Variants in UBR4 observed in about 807,000 individuals in gnomAD.
UBR4 encodes ubiquitin protein ligase E3 component n-recognin 4.
Under a neutral mutation model 575.6 loss-of-function variants are expected in UBR4, and 124 were observed. The observed-to-expected ratio is 0.22, with a 90% CI of 0.19 to 0.25. UBR4 has a LOEUF of 0.25. UBR4 is among the 10% of genes least tolerant of loss of function. The pLI is 1.00. For synonymous variants in UBR4, 2,455 were observed against 2,473.7 expected (o/e 0.99, Z 0.22); for missense variants, 4,818 against 6,478.8 (o/e 0.74, Z 8.80).
chr1:19,087,715 T>G, intron 99 of UBR4, 101 bp downstream of exon 99: 1 of 894,252 alleles, frequency 1.1e-6, no homozygotes, highest in Non-Finnish European at 1.7e-6. Context: ...GGCCTTGATC[T>G]TGCCTAGCTA....
chr1:19,176,718 T>C lies in UBR4; in HGVS notation c.2647A>G (p.Asn883Asp), dbSNP rs769733630. The C allele has an allele frequency of 6.2e-7, 1 of 1,613,484 alleles. No individual in the cohort carries two copies. The highest frequency in any genetic ancestry group is 8.5e-7 in the Non-Finnish European group (1 of 1,179,792). Residue 883 changes from asparagine (N) to aspartate (D), a missense_variant, in exon 20 of 106, where the codon AAC becomes GAC. By Grantham distance (23) the Asn-to-Asp change is conservative. Around this residue, in one of 29 missense-constraint regions of UBR4, gnomAD observed 1,172 missense variants for 1,259.7 expected, o/e 0.93. Coordinates refer to ENST00000375254, the MANE Select transcript of UBR4 (RefSeq NM_020765.3). ...PVYLFEQVQHNLLSPPFGWAS... is the reference protein window; with the variant it reads ...PVYLFEQVQHDLLSPPFGWAS... ...CACCCAAAGGGAGGACTTAGCAGGT[T>C]ATGCTGTACCTTTTAAAACACAAAT...
chr1:19,130,001 T>C (rs2149676342), intron 60 of UBR4, among the ~76,000 whole-genome samples: 1 of 152,298 alleles, frequency 6.6e-6, no homozygotes, highest in East Asian at 1.9e-4. Flanking sequence ...GAATATTGTC[T>C]TTTTCTTTTC....
chr1:19,210,029 CT>C, intron 1 of UBR4, 43 bp downstream of exon 1: 1 of 1,501,764 alleles, frequency 6.7e-7, no homozygotes. Flanking sequence ...TCGAAATCCC[CT>C]CCCCCCACAA....
At chr1:19,163,356 GA>G (rs1401504202) in intron 34 of UBR4, among the ~76,000 whole-genome samples, 1 of 152,210 alleles carries the variant, frequency 6.6e-6, no homozygotes, top group Non-Finnish European at 1.5e-5. Flanking sequence ...AGAGTAACCA[GA>G]ACCTTCAGGC....
rs374733669 is a variant in UBR4, at chr1:19,161,783, C to T, written c.5027+44G>A. The T allele has an allele frequency of 4.3e-6, 7 of 1,613,788 alleles. No individual in the cohort carries two copies. The African/African-American group carries it at 6.7e-5, about 15-fold the overall frequency. ...AAATAAGCTCAGAAGTCCCAACAATCGGTGCCCAGCAAATCTTCACCTTAA... is the reference window on the plus strand; with the variant it reads ...AAATAAGCTCAGAAGTCCCAACAATTGGTGCCCAGCAAATCTTCACCTTAA... On this transcript the variant is annotated intron_variant, in intron 36 of 105. Transcript: ENST00000375254.
Position 19,186,577 on chromosome 1 carries a change from C to G in UBR4, c.1713G>C (p.Glu571Asp), listed in dbSNP as rs1255935521. The change falls in exon 14 of 106, where the codon GAG becomes GAC. Residue 571 changes from glutamate to aspartate, a missense_variant. Around this residue, in one of 29 missense-constraint regions of UBR4, gnomAD observed 162 missense variants for 216.4 expected, o/e 0.75. Transcript: ENST00000375254. ...SASTDSNTYYEDDFSSTEEDS... is the reference protein window; with the variant it reads ...SASTDSNTYYDDDFSSTEEDS... ...CCTCCTCCGTGCTACTGAAATCGTC[C>G]TCATAGTAAGTATTGGAGTCGGTGG... is the stretch of plus-strand genomic sequence containing the variant. The G allele has an allele frequency of 6.2e-7, 1 of 1,614,094 alleles. No homozygotes were observed. The highest frequency in any genetic ancestry group is 1.3e-5 in the African/African-American group (1 of 75,028).
Position 19,117,620 on chromosome 1 carries a change from C to A in UBR4, c.10629+203G>T, listed in dbSNP as rs2080695163. The stretch of plus-strand genomic sequence containing the variant: ...CAGGGGATCCTCCCATCTTAGCCTC[C>A]CAAAGTACTGGGATTATAGGCTTGA... On this transcript the variant is annotated intron_variant, in intron 72 of 105. Coordinates refer to ENST00000375254, the MANE Select transcript of UBR4 (RefSeq NM_020765.3). The surrounding 1 kb of genome is among the most constrained non-coding windows in gnomAD (Gnocchi z 4.0). Among the ~76,000 whole-genome samples, 1 of 152,140 alleles carries A rather than the reference C, an allele frequency of 6.6e-6. No homozygotes were observed. Among genetic ancestry groups the A allele is most frequent in the Non-Finnish European group, 1.5e-5 (1 of 68,032 alleles).
Position 19,151,735 on chromosome 1 carries a change from G to T in UBR4, c.7121C>A (p.Thr2374Asn), listed in dbSNP as rs766844461. 1.2e-6 allele frequency: 2 copies of T among 1,614,118 alleles called. No individual in the cohort carries two copies. The highest frequency in any genetic ancestry group is 1.7e-6 in the Non-Finnish European group (2 of 1,180,042). Residue 2374 changes from threonine to asparagine, a missense_variant, in exon 48 of 106, where the codon ACT becomes AAT. Transcript: ENST00000375254. ...TGAGCGACTCAGGTTGAGCTGCATA[G>T]TTCTGCCGAAGATCTCGATATATGA... ...APSYIEIFGR[T>N]MQLNLSRSRW... is the part of the protein sequence containing the mutation.
chr1:19,106,700 TG>T lies in UBR4; in HGVS notation c.12261del (p.Ser4088AlafsTer10). On this transcript the variant is annotated frameshift_variant, in exon 83 of 106. Transcript: ENST00000375254. LOFTEE classifies it high-confidence loss of function. ...TAGAGATGGCGGAGCTCTGATTTGCTGGGGGCTTTCCCATTGCCATCTATCC... is the reference window on the plus strand; with the variant it reads ...TAGAGATGGCGGAGCTCTGATTTGCTGGGGCTTTCCCATTGCCATCTATCC... ...IRGIDGNGKAPSKSELRHLYL... is the reference protein window; with the variant it reads ...IRGIDGNGKAXSKSELRHLYL... The T allele has an allele frequency of 6.2e-7, 1 of 1,604,172 alleles. No individual in the cohort carries two copies. Among genetic ancestry groups the T allele is most frequent in the Non-Finnish European group, 8.5e-7 (1 of 1,174,500 alleles).
At chr1:19,137,941 G>T in intron 60 of UBR4, 66 bp downstream of exon 60, 1 of 1,409,034 alleles carries the variant, frequency 7.1e-7, no homozygotes, top group East Asian at 2.5e-5. Context: ...CAATTGATCA[G>T]TCCTACTATT....
intron 75 of UBR4, 78 bp downstream of exon 75, chr1:19,114,733 G>A: frequency 6.4e-7 from 1 of 1,551,578 alleles, no homozygotes. Flanking sequence ...AGAAAGTAAA[G>A]TGCACTGCAC....
intron 60 of UBR4, among the ~76,000 whole-genome samples, chr1:19,134,083 C>T (rs1183076490): frequency 2.5e-5 from 2 of 80,986 alleles, no homozygotes; most frequent in East Asian, 5.2e-4. Flanking sequence ...GAGACTCTGT[C>T]TCTAAAAAAA....
chr1:19,164,813 A>C lies in UBR4; in HGVS notation c.4497T>G (p.Ile1499Met), dbSNP rs118032096. 1 of 1,614,080 alleles carries C rather than the reference A, an allele frequency of 6.2e-7. No individual in the cohort carries two copies. The highest frequency in any genetic ancestry group is 2.2e-5 in the East Asian group (1 of 44,874). ...RQLLQLLTTY[I>M]VRENSQVGEG... is the part of the protein sequence containing the mutation. ...AGTTGTTCTACCTGTTTTCCCGAACAATGTATGTGGTCAGTAACTGCAGCA... is the reference window on the plus strand; with the variant it reads ...AGTTGTTCTACCTGTTTTCCCGAACCATGTATGTGGTCAGTAACTGCAGCA... Residue 1499 changes from isoleucine to methionine, a missense_variant, in exon 32 of 106, where the codon ATT becomes ATG. Transcript: ENST00000375254.
intron 87 of UBR4, among the ~76,000 whole-genome samples, chr1:19,102,432 C>A (rs1451455572): frequency 1.3e-5 from 2 of 151,974 alleles, no homozygotes; most frequent in African/African-American, 4.8e-5. Context: ...AGGTAAAGGT[C>A]CCTGACGAAG....
intron 78 of UBR4, 25 bp downstream of exon 78, chr1:19,112,499 C>T: frequency 1.3e-6 from 2 of 1,583,422 alleles, no homozygotes; most frequent in Non-Finnish European, 1.7e-6. Context: ...ACCACTAGGC[C>T]CATAACCATG....
chr1:19,161,865 A>C lies in UBR4; in HGVS notation c.4989T>G (p.Thr1663=). The C allele has an allele frequency of 1.2e-6, 2 of 1,614,258 alleles. No homozygotes were observed. The highest frequency in any genetic ancestry group is 1.7e-6 in the Non-Finnish European group (2 of 1,180,036). Residue 1663 remains threonine, a synonymous_variant, in exon 36 of 106, where the codon ACT becomes ACG. Coordinates refer to ENST00000375254, the MANE Select transcript of UBR4 (RefSeq NM_020765.3). The part of the protein sequence containing the change: ...DEDSLCNKLC[T]FTITQKEFMN... ...TGAATTCTTTCTGTGTGATCGTAAA[A>C]GTGCAGAGTTTATTGCAAAGAGAAT...
intron 94 of UBR4, 144 bp downstream of exon 94, chr1:19,094,762 A>T (rs2077862733): frequency 4.5e-6 from 5 of 1,108,696 alleles, no homozygotes; most frequent in South Asian, 3.2e-5. Context: ...TTATGTCATC[A>T]TTAGTTGAGT....
At chr1:19,078,146 A>C in intron 103 of UBR4, 80 bp from the exon 104 acceptor site, 1 of 1,436,844 alleles carries the variant, frequency 7.0e-7, no homozygotes, top group Non-Finnish European at 9.6e-7. Context: ...TGCTGGGAGC[A>C]AGGGAAGAGT....
rs2090605487 is a variant in UBR4, at chr1:19,179,149, T to G, written c.2256A>C (p.Gln752His). 2.5e-6 allele frequency: 4 copies of G among 1,613,588 alleles called. No individual in the cohort carries two copies. The highest frequency in any genetic ancestry group is 3.4e-6 in the Non-Finnish European group (4 of 1,179,872). ...GGAGGCGTGAAAGCACAGAGAGGCT[T>G]TGAGGGTGAATGTACAAGGGCCAAG... ...EGPWPLYIHP[Q>H]SLSVLSRLLL... Residue 752 changes from glutamine (Q) to histidine (H), a missense_variant, in exon 18 of 106, where the codon CAA becomes CAC. Physicochemically the swap from Gln to His is conservative, Grantham distance 24. This residue lies in a region of UBR4 where 1,172 missense variants were observed against 1,259.7 expected (regional missense o/e 0.93). Transcript: ENST00000375254.
Sources: gnomAD v4.1 joint callset for allele counts (sites outside exome capture counted in the v4.1 genomes callset) on GRCh38, gnomAD v4.1.1 for gene constraint, gnomAD v4.1.1 regional missense constraint, Gnocchi (gnomAD v3.1) non-coding constraint, MANE v1.5 for transcripts, NCBI Gene and HGNC (gene_info 2026-07-23, HGNC 2026-07-21) for gene names.